The following DENND6A variants were observed in gnomAD, a reference collection of about 807,000 sequenced individuals.
DENND6A encodes the protein protein DENND6A.
Under a neutral mutation model 95.5 loss-of-function variants are expected in DENND6A, and 43 were observed. The ratio of observed to expected loss-of-function variants is 0.45; its 90% CI spans 0.35 to 0.58. DENND6A has a LOEUF of 0.58. DENND6A is among the 20% of genes least tolerant of loss of function. DENND6A has a pLI of 0.00. For synonymous variants in DENND6A, 257 were observed against 260.4 expected, an observed-to-expected ratio of 0.99 and a Z score of 0.13; for missense variants, 574 against 736.0, an observed-to-expected ratio of 0.78 and a Z score of 2.55.
chr3:57,646,150 A>G (rs1488259398), intron 10 of DENND6A, among the ~76,000 whole-genome samples, 166 bp downstream of exon 10: 2 of 152,220 alleles, frequency 1.3e-5, no homozygotes, highest in African/African-American at 2.4e-5. Context: ...CATCCATAAA[A>G]TGGTGCTATA....
At chr3:57,654,907 C>A (rs1295824680) in intron 9 of DENND6A, 3 of 595,684 alleles carry the variant, frequency 5.0e-6, no homozygotes, top group Non-Finnish European at 6.3e-6. Flanking sequence ...GTAAGCTCTA[C>A]AGAAACAAAA....
intron 10 of DENND6A, 129 bp from the exon 11 acceptor site, chr3:57,645,885 C>T: frequency 1.5e-6 from 1 of 652,580 alleles, no homozygotes; most frequent in Admixed American, 3.1e-5. Flanking sequence ...AAATGGTAAA[C>T]TCATTTCACA....
chr3:57,648,381 C>T (rs1000418462), intron 9 of DENND6A, among the ~76,000 whole-genome samples: 6 of 152,130 alleles, frequency 3.9e-5, no homozygotes, highest in Admixed American at 1.3e-4. Context: ...ACATCCTATG[C>T]TCATGGATGG....
chr3:57,664,562 C>T (rs977574241), intron 4 of DENND6A, among the ~76,000 whole-genome samples: 7 of 152,164 alleles, frequency 4.6e-5, no homozygotes, highest in Non-Finnish European at 7.3e-5. Flanking sequence ...AGGCCAGGTG[C>T]AGTGGCTCAT....
At chr3:57,654,661 GA>G in intron 9 of DENND6A, 1 of 985,242 alleles carries the variant, frequency 1.0e-6, no homozygotes, top group Non-Finnish European at 1.2e-6. Flanking sequence ...CTCAAAAACA[GA>G]ATGAGGAAAC....
intron 11 of DENND6A, among the ~76,000 whole-genome samples, chr3:57,643,126 G>A (rs2070987689): frequency 6.6e-6 from 1 of 152,080 alleles, no homozygotes; most frequent in African/African-American, 2.4e-5. Context: ...AGTAAGACTG[G>A]AAAGGGAGCA....
At chr3:57,667,337 A>C (rs1228516241) in intron 3 of DENND6A, among the ~76,000 whole-genome samples, 1 of 150,246 alleles carries the variant, frequency 6.7e-6, no homozygotes, top group South Asian at 2.1e-4. Context: ...AAAAAATTTC[A>C]CTAGAGATGG....
At chr3:57,657,756 A>G in intron 8 of DENND6A, 21 bp from the exon 9 acceptor site, 1 of 1,540,264 alleles carries the variant, frequency 6.5e-7, no homozygotes, top group Non-Finnish European at 8.9e-7. Context: ...GAAAAGAAAA[A>G]TAAAAGAAGG....
Position 57,693,006 on chromosome 3 carries a change from C to G in DENND6A, c.13G>C (p.Gly5Arg). 6.7e-7 allele frequency: 1 copy of G among 1,484,758 alleles called. No individual in the cohort carries two copies. The highest frequency in any genetic ancestry group is 8.9e-7 in the Non-Finnish European group (1 of 1,129,890). The allele number at this position is 1,484,758 out of a possible 1,614,324, so 92.0% of individuals were successfully genotyped here. Reference sequence around the variant, plus strand: ...GAGCCGGGCCCCAAGCCCGCAGGGCCCCTCAAAGCCATCGGCCGCCCCCTG... The same window carrying G: ...GAGCCGGGCCCCAAGCCCGCAGGGCGCCTCAAAGCCATCGGCCGCCCCCTG... Reference protein sequence around the residue: MALRGPAGLGPGSRR... With the variant: MALRRPAGLGPGSRR... Residue 5 changes from glycine to arginine, a missense_variant, in exon 1 of 20, where the codon GGC becomes CGC. Physicochemically the swap from Gly to Arg is moderately radical, Grantham distance 125. Coordinates refer to ENST00000311128, the MANE Select transcript of DENND6A (RefSeq NM_152678.3).
chr3:57,674,151 G>A (rs1164451893), intron 1 of DENND6A, among the ~76,000 whole-genome samples: 1 of 151,942 alleles, frequency 6.6e-6, no homozygotes, highest in African/African-American at 2.4e-5. Context: ...GGGAGGCTGA[G>A]GTGGGAGGAT....
At chr3:57,670,908 G>A (rs1209895275) in intron 3 of DENND6A, among the ~76,000 whole-genome samples, 3 of 152,272 alleles carry the variant, frequency 2.0e-5, no homozygotes, top group Middle Eastern at 3.4e-3. Flanking sequence ...TATATAAGAA[G>A]TGTATGTACA....
chr3:57,630,787 A>T lies in DENND6A; in HGVS notation c.1445T>A (p.Phe482Tyr). ...TCCTGTTTTCTCAAGTGTTTTCATA[A>T]ATTCTTCTGGAAGAAACTGTCTTAA... is the stretch of plus-strand genomic sequence containing the variant. ...PQLRQFLPEE[F>Y]MKTLEKTGPQ... Residue 482 changes from phenylalanine to tyrosine, a missense_variant, in exon 17 of 20, where the codon TTT (phenylalanine) becomes TAT (tyrosine). Coordinates refer to ENST00000311128, the MANE Select transcript of DENND6A (RefSeq NM_152678.3). 1 of 1,614,080 alleles carries T rather than the reference A, an allele frequency of 6.2e-7. No homozygotes were observed. Among genetic ancestry groups the T allele is most frequent in the East Asian group, 2.2e-5 (1 of 44,848 alleles).
intron 7 of DENND6A, among the ~76,000 whole-genome samples, chr3:57,660,418 G>A (rs867431849): frequency 1.3e-5 from 2 of 151,998 alleles, no homozygotes; most frequent in African/African-American, 4.8e-5. Context: ...TGGGCTCAAG[G>A]GATCCACCCG....
At chr3:57,638,550 CGGGGAG>C (rs1224965383) in intron 12 of DENND6A, among the ~76,000 whole-genome samples, 5 of 151,796 alleles carry the variant, frequency 3.3e-5, no homozygotes, top group African/African-American at 1.2e-4. Flanking sequence ...CTCAGCGACT[CGGGGAG>C]CTAAGGCAGG....
Position 57,646,325 on chromosome 3 carries a change from G to A in DENND6A, c.932C>T (p.Ala311Val). 6.2e-7 allele frequency: 1 copy of A among 1,612,218 alleles called. No individual in the cohort carries two copies. Among genetic ancestry groups the A allele is most frequent in the Non-Finnish European group, 8.5e-7 (1 of 1,179,456 alleles). The change falls in exon 10 of 20, where the codon GCA becomes GTA. Residue 311 changes from alanine (A) to valine (V), a missense_variant. Transcript: ENST00000311128. ...AACCAAATAGACTCACTTAACAAGT[G>A]CCAATACAGTCTCTGATGATTCCGA... ...SPSESSETVL[A>V]LVNCISPLKY... is the part of the protein sequence containing the mutation.
intron 9 of DENND6A, among the ~76,000 whole-genome samples, chr3:57,649,173 A>C (rs898122771): frequency 2.0e-5 from 3 of 152,298 alleles, no homozygotes; most frequent in African/African-American, 7.2e-5. Context: ...AAAATAAACA[A>C]TCCCATCAAA....
At chr3:57,682,234 T>A (rs945261012) in intron 1 of DENND6A, among the ~76,000 whole-genome samples, 3 of 134,674 alleles carry the variant, frequency 2.2e-5, no homozygotes, top group Non-Finnish European at 4.5e-5. Flanking sequence ...TGAGCCAAGA[T>A]TGCACCATTG....
At chr3:57,653,941 C>CA (rs2071267308) in intron 9 of DENND6A, among the ~76,000 whole-genome samples, 1 of 75,820 alleles carries the variant, frequency 1.3e-5, no homozygotes. Flanking sequence ...TAGAAATTCA[C>CA]TTTTTTTTTT....
At chr3:57,631,044 A>C in intron 15 of DENND6A, 66 bp from the exon 16 acceptor site, 1 of 1,488,126 alleles carries the variant, frequency 6.7e-7, no homozygotes, top group Non-Finnish European at 9.2e-7. Flanking sequence ...CCTACTTAAA[A>C]GGAATGGGTC....
Sources: gnomAD v4.1 joint callset for allele counts (sites outside exome capture counted in the v4.1 genomes callset) on GRCh38, gnomAD v4.1.1 for gene constraint, MANE v1.5 for transcripts, NCBI Gene and HGNC (gene_info 2026-07-23, HGNC 2026-07-21) for gene names.